The following COL4A4 variants were observed in gnomAD, a reference collection of about 807,000 sequenced individuals.
COL4A4 encodes the protein collagen alpha-4(IV) chain.
A neutral mutation model predicts 192.9 loss-of-function variants in COL4A4; 105 were observed. That is an observed-to-expected ratio of 0.54 (90% confidence interval 0.46 to 0.64). The LOEUF (loss-of-function observed/expected upper bound fraction) is 0.64. COL4A4 is among the 30% of genes least tolerant of loss of function. The pLI, the probability that COL4A4 is intolerant of heterozygous loss-of-function variation, is 0.00. For missense variants in COL4A4, 1,967 were observed against 2,169.3 expected, an observed-to-expected ratio of 0.91 and a Z score of 1.85; for synonymous variants, 762 against 769.9, an observed-to-expected ratio of 0.99 and a Z score of 0.17.
At chr2:227,107,573 G>T (rs910082936) in intron 12 of COL4A4, among the ~76,000 whole-genome samples, 2 of 152,080 alleles carry the variant, frequency 1.3e-5, no homozygotes, top group South Asian at 4.1e-4. Context: ...ACTCAATCAC[G>T]CTGGAACTCC....
At chr2:227,033,527 G>C (rs752872870) in intron 37 of COL4A4, 46 bp from the exon 38 acceptor site, 1 of 1,543,598 alleles carries the variant, frequency 6.5e-7, no homozygotes, top group Admixed American at 1.7e-5. Context: ...ACCAGCCACC[G>C]GTACTCACTC....
the COL4A4 span, chr2:226,995,365 A>T: frequency 1.0e-6 from 1 of 966,468 alleles, no homozygotes; most frequent in Non-Finnish European, 1.7e-6. Context: ...TTCCCTTGGA[A>T]TCCTAGGGTA....
chr2:227,006,183 A>C lies in COL4A4; in HGVS notation c.*1142T>G, dbSNP rs1164468799. ...TCCTGATGGGGTAACCCTGACTTAA[A>C]TGAATCTTCTTACCTAAGTTTAATT... On this transcript the variant is annotated 3_prime_UTR_variant, in exon 48 of 48. Coordinates refer to ENST00000396625, the MANE Select transcript of COL4A4 (RefSeq NM_000092.5). 1 of 152,640 alleles carries C rather than the reference A, an allele frequency of 6.6e-6. No homozygotes were observed. The highest frequency in any genetic ancestry group is 1.5e-5 in the Non-Finnish European group (1 of 68,042). The allele number at this position is 152,640 out of a possible 1,614,324, so 9.5% of individuals were successfully genotyped here. A position where few individuals can be genotyped will look rare whatever the true frequency, so the allele number is the denominator to read the frequency against.
At chr2:226,999,148 G>A (rs1339664786), downstream of COL4A4, 1 of 152,216 alleles carries the variant, frequency 6.6e-6, no homozygotes, top group Non-Finnish European at 1.5e-5. Context: ...TCCTCACAGT[G>A]CCTTGAGCAG....
At chr2:227,060,300 A>C in intron 26 of COL4A4, 57 bp from the exon 27 acceptor site, 5 of 1,163,330 alleles carry the variant, frequency 4.3e-6, no homozygotes, top group Non-Finnish European at 6.4e-6. Flanking sequence ...AATGTGAACA[A>C]AATGAGATGA....
At position 227,041,778 on chromosome 2, in the gene COL4A4, G is replaced by A. The variant is rs1400164733; in HGVS notation, c.3505+370C>T. On this transcript the variant is annotated intron_variant, in intron 37 of 47. Transcript: ENST00000396625. ...AGGAAGGAAGGAAGGAAGGAAGGAA[G>A]GAAGGAAGGGAAAGAAAGAAAGAAA... is the stretch of plus-strand genomic sequence containing the variant. 7.8e-3 allele frequency among the ~76,000 whole-genome samples: 532 copies of A among 67,826 alleles called. 29 individuals are homozygous for A. Among genetic ancestry groups the A allele is most frequent in the African/African-American group, 0.013 (238 of 17,930 alleles). 44.5% of individuals were successfully genotyped at this position (67,826 alleles called of 152,430 possible).
At chr2:227,001,585 G>A (rs554027827), downstream of COL4A4, among the ~76,000 whole-genome samples, 3 of 152,166 alleles carry the variant, frequency 2.0e-5, no homozygotes, top group Non-Finnish European at 4.4e-5. Context: ...GGGGAAAGCC[G>A]CTGGGAGGTA....
chr2:227,047,117 G>A (rs962978073), intron 35 of COL4A4, among the ~76,000 whole-genome samples: 1 of 151,988 alleles, frequency 6.6e-6, no homozygotes, highest in African/African-American at 2.4e-5. Flanking sequence ...TATTGCGAAT[G>A]CATCATTTTA....
rs1218628637 is a variant in COL4A4 at position 227,059,613 on chromosome 2, A to G, written c.2175T>C (p.Gly725=). The G allele has an allele frequency of 6.2e-7, 1 of 1,613,762 alleles. No homozygotes were observed. The highest frequency in any genetic ancestry group is 1.1e-5 in the South Asian group (1 of 91,076). The change falls in exon 28 of 48, where the codon GGT becomes GGC. Residue 725 remains glycine (G), a synonymous_variant. Transcript: ENST00000396625. ...CTCCAAAACCCGGATCTCCCATGTC[A>G]CCACGAAAACCTATTTAACAACAAA... ...AEIPGPPGFR[G]DMGDPGFGGE...
At chr2:227,075,542 T>C (rs995300694) in intron 25 of COL4A4, among the ~76,000 whole-genome samples, 8 of 152,248 alleles carry the variant, frequency 5.3e-5, no homozygotes, top group African/African-American at 1.7e-4. Flanking sequence ...ATACTGAATT[T>C]GCAAAAGCTG....
At chr2:227,025,185 G>C (rs931498319) in intron 43 of COL4A4, among the ~76,000 whole-genome samples, 4 of 152,154 alleles carry the variant, frequency 2.6e-5, no homozygotes, top group Admixed American at 2.0e-4. Context: ...TAATAACAGA[G>C]GCCTGGAAAG....
the COL4A4 span, among the ~76,000 whole-genome samples, chr2:226,985,280 A>C: frequency 6.6e-6 from 1 of 152,168 alleles, no homozygotes; most frequent in Admixed American, 6.5e-5. Context: ...GTGCCTTGTC[A>C]GTCTCCTCTG....
At position 227,140,874 on chromosome 2, in the gene COL4A4, A is replaced by ATC. The variant is rs1181979899; in HGVS notation, c.115-638_115-637dup. ...AACTTTCCAACACTGTCTTTAGAGC[A>ATC]TCACACACACACACACACACACACA... On this transcript the variant is annotated intron_variant, in intron 3 of 47. Coordinates refer to ENST00000396625, the MANE Select transcript of COL4A4 (RefSeq NM_000092.5). Among the ~76,000 whole-genome samples the ATC allele has an allele frequency of 9.0e-4, 97 of 108,174 alleles. 1 individual carries two copies. Among genetic ancestry groups the ATC allele is most frequent in the African/African-American group, 3.7e-3 (97 of 26,306 alleles). The allele number at this position is 108,174 out of a possible 152,430, so 71.0% of individuals were successfully genotyped here.
At chr2:227,083,107 T>C (rs1332958626) in intron 22 of COL4A4, among the ~76,000 whole-genome samples, 2 of 152,168 alleles carry the variant, frequency 1.3e-5, no homozygotes, top group Non-Finnish European at 2.9e-5. Context: ...TGCACACCTG[T>C]AGTCATAGCT....
the COL4A4 span, among the ~76,000 whole-genome samples, chr2:226,991,043 C>T: frequency 6.6e-6 from 1 of 152,202 alleles, no homozygotes; most frequent in African/African-American, 2.4e-5. Flanking sequence ...TAATGAAAGT[C>T]ATTAATTACC....
At chr2:227,023,882 C>A (rs192756333) in intron 43 of COL4A4, among the ~76,000 whole-genome samples, 5 of 151,774 alleles carry the variant, frequency 3.3e-5, no homozygotes, top group African/African-American at 1.2e-4. Flanking sequence ...TGTGGTGGTG[C>A]ACAGTCCCAG....
intron 28 of COL4A4, 94 bp downstream of exon 28, chr2:227,059,311 C>A: frequency 3.8e-6 from 4 of 1,061,784 alleles, no homozygotes; most frequent in Non-Finnish European, 5.9e-6. Context: ...TTATATTCTA[C>A]ATGCCTAAAG....
intron 1 of COL4A4, among the ~76,000 whole-genome samples, chr2:227,159,701 G>A (rs1344184199): frequency 1.3e-5 from 2 of 152,054 alleles, no homozygotes; most frequent in Non-Finnish European, 2.9e-5. Flanking sequence ...TTCCCCCTTC[G>A]CTCAGCACTC....
Position 227,140,237 on chromosome 2 carries a change from C to T in COL4A4, c.116G>A (p.Ser39Asn). The T allele has an allele frequency of 6.2e-7, 1 of 1,613,322 alleles. No individual in the cohort carries two copies. Among genetic ancestry groups the T allele is most frequent in the Non-Finnish European group, 8.5e-7 (1 of 1,179,264 alleles). The change falls in exon 4 of 48, where the codon AGT (serine) becomes AAT (asparagine). Residue 39 changes from serine to asparagine, a missense_variant and splice_region_variant. Coordinates refer to ENST00000396625, the MANE Select transcript of COL4A4 (RefSeq NM_000092.5). ...ACAAGGACCAATGTATTTCTTTCCA[C>T]TCTGGAAAGTGAAGCATCTTATTTA... The part of the protein sequence containing the change: ...ILFSVQYVYG[S>N]GKKYIGPCGG...
Sources: gnomAD v4.1 joint callset for allele counts (sites outside exome capture counted in the v4.1 genomes callset) on GRCh38, gnomAD v4.1.1 for gene constraint, MANE v1.5 for transcripts, NCBI Gene and HGNC (gene_info 2026-07-23, HGNC 2026-07-21) for gene names.